The following CFAP299 variants were observed in gnomAD, a reference collection of about 807,000 sequenced individuals.
CFAP299 encodes the protein cilia and flagella associated protein 299, also known as cilia- and flagella-associated protein 299.
Under a neutral mutation model 27.0 loss-of-function variants are expected in CFAP299, and 21 were observed. The observed-to-expected ratio is 0.78, with a 90% CI of 0.55 to 1.12. The LOEUF (loss-of-function observed/expected upper bound fraction) is 1.12, where lower values mean the gene tolerates loss of function less well. CFAP299 is among the 50% of genes most tolerant of loss of function. CFAP299 has a pLI of 0.00. For missense variants in CFAP299, 310 were observed against 276.6 expected, an observed-to-expected ratio of 1.12 and a Z score of -0.86; for synonymous variants, 104 against 98.1, an observed-to-expected ratio of 1.06 and a Z score of -0.36.
At chr4:80,624,180 AT>A (rs1363886247) in intron 3 of CFAP299, among the ~76,000 whole-genome samples, 1 of 152,180 alleles carries the variant, frequency 6.6e-6, no homozygotes, top group African/African-American at 2.4e-5. Flanking sequence ...GATATATGAT[AT>A]ATATGACAAA....
intron 4 of CFAP299, among the ~76,000 whole-genome samples, chr4:80,889,406 T>A (rs2110184322): frequency 6.6e-6 from 1 of 152,008 alleles, no homozygotes; most frequent in Admixed American, 6.6e-5. Flanking sequence ...TAGACATATA[T>A]GACCTACCAA....
chr4:80,706,095 A>G (rs1291921264), intron 3 of CFAP299, among the ~76,000 whole-genome samples: 2 of 151,842 alleles, frequency 1.3e-5, no homozygotes, highest in Non-Finnish European at 2.9e-5. Context: ...GTACGGTAAT[A>G]TATCATTAAC....
At chr4:80,799,001 C>T (rs1338906376) in intron 3 of CFAP299, among the ~76,000 whole-genome samples, 3 of 149,734 alleles carry the variant, frequency 2.0e-5, no homozygotes, top group African/African-American at 7.4e-5. Flanking sequence ...TAAAAGAATT[C>T]ATCCTTAATA....
intron 2 of CFAP299, among the ~76,000 whole-genome samples, chr4:80,508,932 C>T (rs1220779472): frequency 6.6e-6 from 1 of 152,132 alleles, no homozygotes; most frequent in Non-Finnish European, 1.5e-5. Flanking sequence ...AGACTGCCAA[C>T]AGAGCAATAT....
In CFAP299 at chr4:80,883,905, G is replaced by T. The variant is rs571495351; in HGVS notation, c.476+13770G>T. The stretch of plus-strand genomic sequence containing the variant: ...TTTAAGTTCAGGGGTACACGTGCAG[G>T]ATGTGCAGGGTTGTTACATGTGTCA... On this transcript the variant is annotated intron_variant, in intron 4 of 5. Coordinates refer to ENST00000358105, the MANE Select transcript of CFAP299 (RefSeq NM_152770.3). Among the ~76,000 whole-genome samples the T allele has an allele frequency of 4.5e-4, 69 of 152,174 alleles. No homozygotes were observed. In the South Asian group the frequency reaches 0.012, roughly 27 times the overall value.
intron 3 of CFAP299, among the ~76,000 whole-genome samples, chr4:80,693,227 T>G (rs1300897757): frequency 3.9e-5 from 6 of 152,072 alleles, no homozygotes; most frequent in East Asian, 1.9e-4. Flanking sequence ...AAATCATGCT[T>G]CTATAAAGAC....
Position 80,691,862 on chromosome 4 carries a change from C to T in CFAP299, c.333+108679C>T, listed in dbSNP as rs2110017061. On this transcript the variant is annotated intron_variant, in intron 3 of 5. Transcript: ENST00000358105. ...TCAGCAAAGTCTCAGGATACAAAAT[C>T]AATGTACAAAAATCACAATCATTCT... Among the ~76,000 whole-genome samples the T allele has an allele frequency of 2.0e-5, 3 of 152,286 alleles. 1 individual carries two copies. The South Asian group carries it at 6.2e-4, about 32-fold the overall frequency.
At chr4:80,663,889 A>G (rs1243404086) in intron 3 of CFAP299, among the ~76,000 whole-genome samples, 1 of 152,128 alleles carries the variant, frequency 6.6e-6, no homozygotes, top group African/African-American at 2.4e-5. Flanking sequence ...ATGACCTGTA[A>G]TTATGAGTTT....
intron 2 of CFAP299, among the ~76,000 whole-genome samples, chr4:80,499,726 C>T (rs935445044): frequency 6.6e-6 from 1 of 152,054 alleles, no homozygotes; most frequent in Non-Finnish European, 1.5e-5. Context: ...GATTTAGGTA[C>T]ATGAGCTACT....
At chr4:80,954,311 A>G (rs1737935847) in intron 5 of CFAP299, among the ~76,000 whole-genome samples, 1 of 152,162 alleles carries the variant, frequency 6.6e-6, no homozygotes, top group Non-Finnish European at 1.5e-5. Flanking sequence ...GTTAATTCCC[A>G]TGACTCTTTC....
At chr4:80,562,280 C>G (rs115064686) in intron 2 of CFAP299, among the ~76,000 whole-genome samples, 1,539 of 152,034 alleles carry the variant, frequency 0.01, 23 homozygotes, top group African/African-American at 0.036. Flanking sequence ...AACAACATGG[C>G]AGGAATAAGT....
intron 3 of CFAP299, among the ~76,000 whole-genome samples, chr4:80,711,063 TA>T (rs1722137737): frequency 6.6e-6 from 1 of 152,138 alleles, no homozygotes; most frequent in Admixed American, 6.6e-5. Context: ...CTGTTGTCTG[TA>T]AAAGGTATAA....
intron 2 of CFAP299, among the ~76,000 whole-genome samples, chr4:80,519,304 T>C (rs1732784932): frequency 6.6e-6 from 1 of 152,124 alleles, no homozygotes; most frequent in Non-Finnish European, 1.5e-5. Flanking sequence ...CCTCCTGGGT[T>C]CAAGTGATCC....
intron 2 of CFAP299, among the ~76,000 whole-genome samples, chr4:80,529,196 C>T (rs2110184900): frequency 6.6e-6 from 1 of 152,188 alleles, no homozygotes; most frequent in Non-Finnish European, 1.5e-5. Context: ...TGTATCTCTG[C>T]CAGCATCATG....
Position 80,395,508 on chromosome 4 carries a change from T to C in CFAP299, c.242+32624T>C, listed in dbSNP as rs377568285. Among the ~76,000 whole-genome samples, 937 of 152,216 alleles carry C rather than the reference T, an allele frequency of 6.2e-3. 2 individuals are homozygous for C. Among genetic ancestry groups the C allele is most frequent in the Middle Eastern group, 0.024 (7 of 294 alleles). On this transcript the variant is annotated intron_variant, in intron 2 of 5. Transcript: ENST00000358105. ...ATATTAGAGGAAAGCTTTTCACCAA[T>C]GGATGTGATGTAGCTGTATTTGAGG...
intron 2 of CFAP299, among the ~76,000 whole-genome samples, chr4:80,371,475 AC>A (rs745965967): frequency 1.3e-5 from 2 of 152,140 alleles, no homozygotes. Context: ...AATTTTCCAA[AC>A]TTTTATACTC....
chr4:80,767,869 C>T (rs1388517266), intron 3 of CFAP299, among the ~76,000 whole-genome samples: 1 of 152,154 alleles, frequency 6.6e-6, no homozygotes, highest in Non-Finnish European at 1.5e-5. Context: ...TCAAACACAA[C>T]TCTCCTTTAT....
At chr4:80,660,262 A>G (rs993314123) in intron 3 of CFAP299, among the ~76,000 whole-genome samples, 2 of 152,156 alleles carry the variant, frequency 1.3e-5, no homozygotes, top group African/African-American at 4.8e-5. Flanking sequence ...AATCAATAGC[A>G]TAGAAGATAA....
rs1491188186 is a variant in CFAP299 at position 80,386,521 on chromosome 4, G to GC, written c.242+23637_242+23638insC. ...TTCTCGCGGGCGGTGGTGGGGGGGGGGGGTGCCGCCGGGTTTGCAGGTCCT... is the reference window on the plus strand; with the variant it reads ...TTCTCGCGGGCGGTGGTGGGGGGGGGCGGGTGCCGCCGGGTTTGCAGGTCCT... On this transcript the variant is annotated intron_variant, in intron 2 of 5. Transcript: ENST00000358105. The GC allele has an allele frequency of 9.5e-5, 149 of 1,567,988 alleles. No individual in the cohort carries two copies. In the African/African-American group the frequency reaches 1.9e-3, roughly 20 times the overall value.
Sources: allele counts gnomAD v4.1 joint callset (sites outside exome capture counted in the v4.1 genomes callset), GRCh38; gene constraint gnomAD v4.1.1; transcripts MANE v1.5; gene names NCBI Gene and HGNC (gene_info 2026-07-23, HGNC 2026-07-21).